SGCD: variants seen among roughly 807,000 people sequenced by gnomAD.
SGCD encodes sarcoglycan delta.
A neutral mutation model predicts 36.6 loss-of-function variants in SGCD; 18 were observed. The observed-to-expected ratio is 0.49, with a 90% CI of 0.34 to 0.73. The LOEUF (loss-of-function observed/expected upper bound fraction) is 0.73, where lower values mean the gene tolerates loss of function less well. SGCD is among the 30% of genes least tolerant of loss of function. SGCD has a pLI of 0.01. For synonymous variants in SGCD, 133 were observed against 130.6 expected, an observed-to-expected ratio of 1.02 and a Z score of -0.12; for missense variants, 387 against 346.7, an observed-to-expected ratio of 1.12 and a Z score of -0.92.
At chr5:155,874,596 G>A (rs1184042737) in intron 1 of SGCD, among the ~76,000 whole-genome samples, 1 of 151,986 alleles carries the variant, frequency 6.6e-6, no homozygotes, top group African/African-American at 2.4e-5. Context: ...ATGAAAATGG[G>A]GCAAAGATTT....
intron 6 of SGCD, among the ~76,000 whole-genome samples, chr5:156,626,947 C>T (rs1427795070): frequency 6.6e-6 from 1 of 152,192 alleles, no homozygotes; most frequent in Non-Finnish European, 1.5e-5. Flanking sequence ...CCTTGTAGAC[C>T]ACTACAGTAA....
chr5:156,270,751 T>C (rs1766154749), intron 3 of SGCD, among the ~76,000 whole-genome samples: 1 of 152,290 alleles, frequency 6.6e-6, no homozygotes, highest in Admixed American at 6.5e-5. Flanking sequence ...TTTCTCCTCA[T>C]CTGTGTAGTA....
Position 156,286,823 on chromosome 5 carries a change from T to TAA in SGCD, c.-43-42701_-43-42700dup, listed in dbSNP as rs796869004. ...ATGTACCCTAAAACTTAAAGTATAA[T>TAA]AAAAAAAAAAAGAGCACATACAATG... On this transcript the variant is annotated intron_variant, in intron 3 of 9. Transcript: ENST00000517913. 7.6e-3 allele frequency among the ~76,000 whole-genome samples: 1,090 copies of TAA among 142,814 alleles called. 7 individuals carry two copies. Among genetic ancestry groups the TAA allele is most frequent in the African/African-American group, 0.021 (835 of 39,056 alleles). 93.7% of individuals were successfully genotyped at this position (142,814 alleles called of 152,430 possible).
chr5:156,052,012 C>T (rs1050533185), intron 1 of SGCD, among the ~76,000 whole-genome samples: 3 of 146,070 alleles, frequency 2.1e-5, no homozygotes, highest in African/African-American at 7.4e-5. Context: ...AAAATTTATG[C>T]TCACAGACAG....
the SGCD span, among the ~76,000 whole-genome samples, chr5:155,791,201 C>G: frequency 6.6e-6 from 1 of 152,020 alleles, no homozygotes; most frequent in Non-Finnish European, 1.5e-5. Context: ...ATGTAGACAG[C>G]TGGGCAGAGG....
At chr5:155,752,042 A>C in the SGCD span, among the ~76,000 whole-genome samples, 1 of 152,220 alleles carries the variant, frequency 6.6e-6, no homozygotes, top group African/African-American at 2.4e-5. Context: ...GTCTGTAATA[A>C]AAAAGCAAGT....
At chr5:155,798,914 C>A in the SGCD span, among the ~76,000 whole-genome samples, 2 of 152,202 alleles carry the variant, frequency 1.3e-5, no homozygotes, top group Non-Finnish European at 2.9e-5. Context: ...GGAGAGGAAA[C>A]CTGGGGAAGA....
intron 7 of SGCD, among the ~76,000 whole-genome samples, chr5:156,675,854 T>C (rs1753486280): frequency 5.9e-5 from 9 of 152,182 alleles, no homozygotes; most frequent in Admixed American, 5.2e-4. Flanking sequence ...GTGACCAAAA[T>C]ACTTTACTTC....
At chr5:156,277,863 A>G (rs1465121642) in intron 3 of SGCD, among the ~76,000 whole-genome samples, 1 of 152,200 alleles carries the variant, frequency 6.6e-6, no homozygotes, top group East Asian at 1.9e-4. Context: ...TGAGTCGCTG[A>G]GTTGTCACCA....
intron 6 of SGCD, among the ~76,000 whole-genome samples, chr5:156,640,225 A>T (rs1762979005): frequency 6.6e-6 from 1 of 152,068 alleles, no homozygotes; most frequent in South Asian, 2.1e-4. Context: ...TATCATAGAT[A>T]TACTAGATAT....
intron 1 of SGCD, among the ~76,000 whole-genome samples, chr5:156,068,112 TTTATTTTATTTTATG>T (rs1326447531): frequency 1.2e-4 from 17 of 145,616 alleles, no homozygotes; most frequent in African/African-American, 2.5e-4. Flanking sequence ...TTATTTTTAT[TTTATTTTATTTTATG>T]TTATTTTATT....
chr5:155,935,963 G>T (rs1580999215), intron 1 of SGCD, among the ~76,000 whole-genome samples: 2 of 152,276 alleles, frequency 1.3e-5, no homozygotes, highest in East Asian at 3.9e-4. Context: ...CACCAGCACA[G>T]GTGCTGGCTC....
chr5:155,798,179 G>T, the SGCD span, among the ~76,000 whole-genome samples: 1 of 152,150 alleles, frequency 6.6e-6, no homozygotes, highest in Non-Finnish European at 1.5e-5. Flanking sequence ...CTTGCCATAA[G>T]AATGTTACAA....
intron 1 of SGCD, among the ~76,000 whole-genome samples, chr5:156,041,399 AT>A (rs1337174223): frequency 1.6e-4 from 24 of 152,230 alleles, no homozygotes; most frequent in African/African-American, 4.8e-4. Flanking sequence ...ACAGGTAGAA[AT>A]TTTTTTCCGA....
intron 3 of SGCD, among the ~76,000 whole-genome samples, chr5:156,148,296 G>A (rs1207607153): frequency 6.6e-6 from 1 of 152,164 alleles, no homozygotes; most frequent in Non-Finnish European, 1.5e-5. Context: ...CACAGCACCT[G>A]GAAACTGGGG....
intron 4 of SGCD, among the ~76,000 whole-genome samples, chr5:156,532,468 T>A (rs1417187124): frequency 6.6e-6 from 1 of 152,152 alleles, no homozygotes; most frequent in Non-Finnish European, 1.5e-5. Context: ...ATTTTATTTA[T>A]TTATTTATTT....
At chr5:156,574,112 A>G (rs748075585) in intron 4 of SGCD, among the ~76,000 whole-genome samples, 3 of 152,118 alleles carry the variant, frequency 2.0e-5, no homozygotes, top group African/African-American at 4.8e-5. Flanking sequence ...AGGCAATGCT[A>G]TTCTCTCCCC....
intron 1 of SGCD, among the ~76,000 whole-genome samples, chr5:156,049,450 T>C (rs1051196356): frequency 6.9e-5 from 10 of 145,940 alleles, no homozygotes; most frequent in African/African-American, 1.2e-4. Flanking sequence ...ATTCTTCCTA[T>C]CCATGAGCAT....
intron 1 of SGCD, among the ~76,000 whole-genome samples, chr5:155,991,254 A>T (rs1430406243): frequency 6.6e-6 from 1 of 152,240 alleles, no homozygotes; most frequent in Non-Finnish European, 1.5e-5. Context: ...GTGCACACAC[A>T]CAAGAATAAA....
Sources: gnomAD v4.1 joint callset for allele counts (sites outside exome capture counted in the v4.1 genomes callset) on GRCh38, gnomAD v4.1.1 for gene constraint, MANE v1.5 for transcripts, NCBI Gene and HGNC (gene_info 2026-07-23, HGNC 2026-07-21) for gene names.